CACNG3: variants seen among roughly 807,000 people sequenced by gnomAD.
CACNG3 encodes voltage-dependent calcium channel gamma-3 subunit.
In CACNG3, 3 loss-of-function variants were observed where a neutral mutation model predicts 28.5. The ratio of observed to expected loss-of-function variants is 0.11; its 90% CI spans 0.05 to 0.27. The LOEUF (loss-of-function observed/expected upper bound fraction) is 0.27, where lower values mean the gene tolerates loss of function less well. Among genes scored for constraint, CACNG3 ranks in the 10% least tolerant of loss-of-function variants. The pLI, the probability that CACNG3 is intolerant of heterozygous loss-of-function variation, is 1.00. For missense variants in CACNG3, 236 were observed against 414.4 expected (o/e 0.57, Z 3.74); for synonymous variants, 174 against 162.2 (o/e 1.07, Z -0.55).
chr16:24,334,100 A>G (rs1899668241), intron 1 of CACNG3, among the ~76,000 whole-genome samples: 1 of 152,206 alleles, frequency 6.6e-6, no homozygotes, highest in African/African-American at 2.4e-5. Flanking sequence ...GGAAGCATAA[A>G]CACAAATGAT....
At position 24,346,716 on chromosome 16, in the gene CACNG3, C is replaced by G. The variant is rs1461284930; in HGVS notation, c.212-18C>G. The G allele has an allele frequency of 3.5e-5, 56 of 1,602,254 alleles. No homozygotes were observed. Among genetic ancestry groups the G allele is most frequent in the Non-Finnish European group, 4.6e-5 (54 of 1,169,282 alleles). On this transcript the variant is annotated intron_variant, in intron 1 of 3. Transcript: ENST00000005284. ...CTGTCTCCTCCCCCAGGCTCAGAACCCTTATCTGTTTCCACAGGGGCTTTC... is the reference window on the plus strand; with the variant it reads ...CTGTCTCCTCCCCCAGGCTCAGAACGCTTATCTGTTTCCACAGGGGCTTTC...
In CACNG3 at chr16:24,257,382, A is replaced by G. The variant is rs1042574508; in HGVS notation, c.211+417A>G. Reference sequence around the variant, plus strand: ...GAAGTGAGGGGGGAGAGAGAGAGAGAGAGAGAGAGAGAGAGAGAGAGAGAG... The same window carrying G: ...GAAGTGAGGGGGGAGAGAGAGAGAGGGAGAGAGAGAGAGAGAGAGAGAGAG... On this transcript the variant is annotated intron_variant, in intron 1 of 3. Coordinates refer to ENST00000005284, the MANE Select transcript of CACNG3 (RefSeq NM_006539.4). 1.3e-3 allele frequency among the ~76,000 whole-genome samples: 91 copies of G among 69,700 alleles called. 2 individuals are homozygous for G. Among genetic ancestry groups the G allele is most frequent in the South Asian group, 2.4e-3 (5 of 2,068 alleles). 45.7% of individuals were successfully genotyped at this position (69,700 alleles called of 152,430 possible).
At chr16:24,288,265 T>G (rs1191977627) in intron 1 of CACNG3, among the ~76,000 whole-genome samples, 11 of 152,202 alleles carry the variant, frequency 7.2e-5, no homozygotes, top group Non-Finnish European at 7.3e-5. Flanking sequence ...GAACATCTTC[T>G]ATGAGTGGCA....
intron 1 of CACNG3, among the ~76,000 whole-genome samples, chr16:24,298,074 A>G (rs952244701): frequency 6.6e-6 from 1 of 152,242 alleles, no homozygotes; most frequent in Non-Finnish European, 1.5e-5. Context: ...TAGAAAATTT[A>G]GAAAATTAAA....
At chr16:24,339,471 C>T (rs369412653) in intron 1 of CACNG3, among the ~76,000 whole-genome samples, 9 of 151,866 alleles carry the variant, frequency 5.9e-5, no homozygotes, top group East Asian at 3.9e-4. Flanking sequence ...CTGCAATCTA[C>T]GCCTCCCAGG....
At chr16:24,351,724 GGAGA>G (rs201226171) in intron 2 of CACNG3, among the ~76,000 whole-genome samples, 1 of 109,434 alleles carries the variant, frequency 9.1e-6, no homozygotes, top group Non-Finnish European at 1.8e-5. Flanking sequence ...AAGGAGGGAG[GGAGA>G]GAGAGAGAAA....
intron 1 of CACNG3, among the ~76,000 whole-genome samples, chr16:24,329,189 C>G (rs1423918767): frequency 6.6e-6 from 1 of 152,164 alleles, no homozygotes. Flanking sequence ...GTGGTGTTTG[C>G]TCAAAACGCC....
At chr16:24,357,252 A>T (rs1223511766) in intron 3 of CACNG3, among the ~76,000 whole-genome samples, 1 of 127,754 alleles carries the variant, frequency 7.8e-6, no homozygotes, top group Non-Finnish European at 1.6e-5. Context: ...AAAAAAAAAA[A>T]AGCCATCAGC....
At chr16:24,360,658 C>A (rs980775326) in intron 3 of CACNG3, among the ~76,000 whole-genome samples, 7 of 152,186 alleles carry the variant, frequency 4.6e-5, no homozygotes, top group Admixed American at 1.3e-4. Context: ...TGTGTTCAAA[C>A]CTCCTCTTTT....
At chr16:24,269,985 G>A (rs758452125) in intron 1 of CACNG3, among the ~76,000 whole-genome samples, 4 of 151,954 alleles carry the variant, frequency 2.6e-5, no homozygotes, top group Admixed American at 6.6e-5. Context: ...TATGTTGTAT[G>A]GACATATTGT....
chr16:24,296,151 A>G (rs1445292710), intron 1 of CACNG3, among the ~76,000 whole-genome samples: 1 of 152,152 alleles, frequency 6.6e-6, no homozygotes, highest in East Asian at 1.9e-4. Context: ...CCACAAGCTC[A>G]CAATTGTCAT....
chr16:24,288,528 G>C (rs1474105593), intron 1 of CACNG3, among the ~76,000 whole-genome samples: 1 of 152,150 alleles, frequency 6.6e-6, no homozygotes, highest in African/African-American at 2.4e-5. Context: ...TCTAAATGTG[G>C]TGTCATGCAA....
chr16:24,312,951 GAA>G (rs1567216094), intron 1 of CACNG3, among the ~76,000 whole-genome samples: 17 of 99,084 alleles, frequency 1.7e-4, no homozygotes, highest in African/African-American at 3.1e-4. Context: ...AAGAAAGAAA[GAA>G]AGAGAAAGAA....
intron 1 of CACNG3, among the ~76,000 whole-genome samples, chr16:24,327,234 T>C (rs1483741902): frequency 7.0e-6 from 1 of 142,502 alleles, no homozygotes; most frequent in Non-Finnish European, 1.5e-5. Context: ...TCTCAGGCAG[T>C]GAAGAGATGC....
intron 1 of CACNG3, among the ~76,000 whole-genome samples, chr16:24,315,608 CT>C (rs201559562): frequency 0.037 from 5,284 of 143,386 alleles, 112 homozygotes; most frequent in South Asian, 0.068. Flanking sequence ...CTTTGTCTCT[CT>C]TTCTTTCTTT....
At position 24,361,869 on chromosome 16, in the gene CACNG3, C is replaced by T. The variant is rs750673689; in HGVS notation, c.*6C>T. 1.0e-5 allele frequency: 16 copies of T among 1,593,696 alleles called. No individual in the cohort carries two copies. Among genetic ancestry groups the T allele is most frequent in the Non-Finnish European group, 6.0e-6 (7 of 1,173,250 alleles). ...GGCGCACCACGCCCGTCTGAACTGA[C>T]CTCTGACCTCTGCCCCACGCCCAGC... On this transcript the variant is annotated 3_prime_UTR_variant, in exon 4 of 4. Coordinates refer to ENST00000005284, the MANE Select transcript of CACNG3 (RefSeq NM_006539.4). This position sits in a 1 kb window ranked among gnomAD's most constrained non-coding sequence, Gnocchi z 6.8.
chr16:24,308,636 C>T (rs995883946), intron 1 of CACNG3, among the ~76,000 whole-genome samples: 1 of 151,914 alleles, frequency 6.6e-6, no homozygotes, highest in Non-Finnish European at 1.5e-5. Context: ...GAGAGGATCG[C>T]TTGTGCTCAG....
intron 1 of CACNG3, among the ~76,000 whole-genome samples, chr16:24,273,761 T>C (rs1898717870): frequency 6.6e-6 from 1 of 152,194 alleles, no homozygotes; most frequent in Non-Finnish European, 1.5e-5. Context: ...TCCATCAAAA[T>C]CATGCCATAT....
At chr16:24,260,909 G>A (rs957250266) in intron 1 of CACNG3, among the ~76,000 whole-genome samples, 3 of 152,186 alleles carry the variant, frequency 2.0e-5, no homozygotes, top group Non-Finnish European at 4.4e-5. Flanking sequence ...GAATTTGAAT[G>A]AGAACGTGTT....
Sources: allele counts gnomAD v4.1 joint callset (sites outside exome capture counted in the v4.1 genomes callset), GRCh38; gene constraint gnomAD v4.1.1; non-coding constraint Gnocchi (gnomAD v3.1); transcripts MANE v1.5; gene names NCBI Gene and HGNC (gene_info 2026-07-23, HGNC 2026-07-21).